The following ABL1 variants were observed in gnomAD, a reference collection of about 807,000 sequenced individuals.
The protein encoded by ABL1 is tyrosine-protein kinase ABL1.
Under a neutral mutation model 94.7 loss-of-function variants are expected in ABL1, and 11 were observed. That is an observed-to-expected ratio of 0.12 (90% CI 0.07 to 0.19). The LOEUF is 0.19. Among genes scored for constraint, ABL1 ranks in the 10% least tolerant of loss-of-function variants. The pLI is 1.00. For synonymous variants in ABL1, 656 were observed against 622.4 expected (o/e 1.05, Z -0.80); for missense variants, 1,082 against 1,489.4 (o/e 0.73, Z 4.50).
At chr9:130,744,868 A>C (rs1003890284) in intron 1 of ABL1, among the ~76,000 whole-genome samples, 2 of 151,380 alleles carry the variant, frequency 1.3e-5, no homozygotes, top group Non-Finnish European at 2.9e-5. Context: ...AAAAAAAAAA[A>C]AAAAACAAAA....
At chr9:130,719,806 A>G (rs888853995) in intron 1 of ABL1, among the ~76,000 whole-genome samples, 1 of 152,206 alleles carries the variant, frequency 6.6e-6, no homozygotes, top group African/African-American at 2.4e-5. Flanking sequence ...GTGTTGGAGC[A>G]GACATGGATC....
intron 1 of ABL1, among the ~76,000 whole-genome samples, chr9:130,843,683 AG>A (rs1186279784): frequency 1.3e-5 from 2 of 152,022 alleles, no homozygotes; most frequent in Non-Finnish European, 2.9e-5. Context: ...GACCGGTTAG[AG>A]AAGGTTTATG....
rs527857370 is a variant in ABL1, at chr9:130,725,767, G to A, written c.136+11312G>A. ...GGCTGAATAATATCCCATTGTGTGT[G>A]TATATATATATACACACCAAATTTT... On this transcript the variant is annotated intron_variant, in intron 1 of 10. Coordinates refer to the ABL1 transcript ENST00000372348. Among the ~76,000 whole-genome samples, 3 of 142,006 alleles carry A rather than the reference G, an allele frequency of 2.1e-5. No homozygotes were observed. In the East Asian group the frequency reaches 6.2e-4, roughly 29 times the overall value. The allele number at this position is 142,006 out of a possible 152,430, so 93.2% of individuals were successfully genotyped here. A position where few individuals can be genotyped will look rare whatever the true frequency, so the allele number is the denominator to read the frequency against.
chr9:130,771,687 C>G (rs776988381), intron 1 of ABL1, among the ~76,000 whole-genome samples: 1 of 151,554 alleles, frequency 6.6e-6, no homozygotes, highest in African/African-American at 2.4e-5. Context: ...GCAGCAGTAC[C>G]CAGCCTAAGA....
chr9:130,852,272 C>T (rs187570026), intron 1 of ABL1, among the ~76,000 whole-genome samples: 1,557 of 152,222 alleles, frequency 0.01, 27 homozygotes, highest in African/African-American at 0.035. Flanking sequence ...TCACTGCAAC[C>T]TCCGCCTCCC....
chr9:130,885,165 G>T lies in ABL1; in HGVS notation c.2875G>T (p.Val959Leu), dbSNP rs149941789. Residue 959 changes from valine (V) to leucine (L), a missense_variant, in exon 11 of 11, where the codon GTG becomes TTG. By Grantham distance (32) the Val-to-Leu change is conservative. Around this residue, in one of 7 missense-constraint regions of ABL1, gnomAD observed 780 missense variants for 835.8 expected, o/e 0.93. Coordinates refer to ENST00000318560, the MANE Select transcript of ABL1 (RefSeq NM_005157.6). Reference sequence around the variant, plus strand: ...GCCGGGAGAGGGCCTCAAAAAGCCCGTGCTCCCGGCCACTCCAAAGCCACA... The same window carrying T: ...GCCGGGAGAGGGCCTCAAAAAGCCCTTGCTCCCGGCCACTCCAAAGCCACA... Reference protein sequence around the residue: ...SQPGEGLKKPVLPATPKPQSA... With the variant: ...SQPGEGLKKPLLPATPKPQSA... 2 of 1,613,276 alleles carry T rather than the reference G, an allele frequency of 1.2e-6. No individual in the cohort carries two copies. Among genetic ancestry groups the T allele is most frequent in the Non-Finnish European group, 1.7e-6 (2 of 1,179,972 alleles).
intron 1 of ABL1, among the ~76,000 whole-genome samples, chr9:130,758,540 C>G (rs1832070886): frequency 6.6e-6 from 1 of 151,696 alleles, no homozygotes; most frequent in Admixed American, 6.6e-5. Flanking sequence ...TCAAGCAATT[C>G]TCCTGCCTCA....
chr9:130,882,836 C>A (rs986065623), intron 10 of ABL1, among the ~76,000 whole-genome samples: 4 of 152,120 alleles, frequency 2.6e-5, no homozygotes, highest in Non-Finnish European at 5.9e-5. Context: ...GCCTGGCTAC[C>A]AGAAAGATTT....
intron 1 of ABL1, among the ~76,000 whole-genome samples, chr9:130,722,705 A>C (rs1166284409): frequency 6.6e-6 from 1 of 152,148 alleles, no homozygotes; most frequent in Admixed American, 6.6e-5. Context: ...AGTCTAATAC[A>C]TTTTGTATGG....
intron 1 of ABL1, among the ~76,000 whole-genome samples, chr9:130,819,197 C>A (rs1330802566): frequency 6.6e-6 from 1 of 151,988 alleles, no homozygotes; most frequent in Non-Finnish European, 1.5e-5. Context: ...ATTAAAAATA[C>A]AAAAATTAGC....
chr9:130,820,937 AT>A (rs982315322), intron 1 of ABL1, among the ~76,000 whole-genome samples: 3 of 149,166 alleles, frequency 2.0e-5, no homozygotes, highest in Admixed American at 6.7e-5. Context: ...TTTATTTTTT[AT>A]TTTTTTTTCG....
chr9:130,835,388 C>G lies in ABL1; in HGVS notation c.-59C>G. 2 of 1,294,082 alleles carry G rather than the reference C, an allele frequency of 1.5e-6. No homozygotes were observed. The highest frequency in any genetic ancestry group is 2.1e-6 in the Non-Finnish European group (2 of 964,256). 80.2% of individuals were successfully genotyped at this position (1,294,082 alleles called of 1,614,324 possible). ...CGCGCGGGCCGAGCCGGGCCTGAGCCGGGCCCGCGGACCGAGCTGGGAGAG... is the reference window on the plus strand; with the variant it reads ...CGCGCGGGCCGAGCCGGGCCTGAGCGGGGCCCGCGGACCGAGCTGGGAGAG... On this transcript the variant is annotated 5_prime_UTR_variant, in exon 1 of 11. Transcript: ENST00000318560. The surrounding 1 kb of genome is among the most constrained non-coding windows in gnomAD (Gnocchi z 4.6).
Position 130,880,410 on chromosome 9 carries a change from T to TA in ABL1, c.1514-89dup, listed in dbSNP as rs1564321903. 1.5e-5 allele frequency: 22 copies of TA among 1,480,508 alleles called. No individual in the cohort carries two copies. In the South Asian group the frequency reaches 2.7e-4, roughly 18 times the overall value. The allele number at this position is 1,480,508 out of a possible 1,614,324, so 91.7% of individuals were successfully genotyped here. On this transcript the variant is annotated intron_variant, in intron 9 of 10. Transcript: ENST00000318560. The surrounding 1 kb of genome is among the most constrained non-coding windows in gnomAD (Gnocchi z 4.4). ...TTAGTTGTATGCAGATGAGCACTGT[T>TA]ACCTTACAAAGAAAGAGAACCACCA...
intron 1 of ABL1, among the ~76,000 whole-genome samples, chr9:130,810,474 C>T (rs916793622): frequency 2.0e-5 from 3 of 151,628 alleles, no homozygotes; most frequent in African/African-American, 7.3e-5. Flanking sequence ...CCAACCTGGG[C>T]GAGAGAGCAA....
intron 1 of ABL1, among the ~76,000 whole-genome samples, chr9:130,807,668 TTATATATATA>T (rs35665086): frequency 2.6e-4 from 30 of 113,286 alleles, no homozygotes; most frequent in African/African-American, 8.3e-4. Context: ...TTCCTTAATT[TTATATATATA>T]TATATATATA....
At chr9:130,766,783 C>T (rs1339409266) in intron 1 of ABL1, among the ~76,000 whole-genome samples, 2 of 152,196 alleles carry the variant, frequency 1.3e-5, no homozygotes, top group African/African-American at 2.4e-5. Context: ...TGCCTTGCCC[C>T]GGCTCTGATC....
At chr9:130,750,065 C>T (rs557169267) in intron 1 of ABL1, among the ~76,000 whole-genome samples, 55 of 151,176 alleles carry the variant, frequency 3.6e-4, no homozygotes, top group African/African-American at 1.3e-3. Flanking sequence ...CCTGTGTTCC[C>T]AGCTACTTGG....
intron 1 of ABL1, among the ~76,000 whole-genome samples, chr9:130,731,498 G>A (rs1831666446): frequency 6.6e-6 from 1 of 151,962 alleles, no homozygotes. Flanking sequence ...TCTGTGTAGG[G>A]GCGAAGGTTC....
rs1831278616 is a variant in ABL1 at position 130,872,972 on chromosome 9, G to A, written c.1020G>A (p.Leu340=). ...GGCAGGAGGTGAACGCCGTGGTGCT[G>A]CTGTACATGGCCACTCAGATCTCGT... ...CNRQEVNAVV[L]LYMATQISSA... Residue 340 remains leucine, a synonymous_variant, in exon 6 of 11, where the codon CTG becomes CTA. Coordinates refer to ENST00000318560, the MANE Select transcript of ABL1 (RefSeq NM_005157.6). The surrounding 1 kb of genome is among the most constrained non-coding windows in gnomAD (Gnocchi z 5.0). 3.7e-6 allele frequency: 6 copies of A among 1,614,226 alleles called. No individual in the cohort carries two copies. Among genetic ancestry groups the A allele is most frequent in the Non-Finnish European group, 5.1e-6 (6 of 1,180,042 alleles).
Sources: allele counts gnomAD v4.1 joint callset (sites outside exome capture counted in the v4.1 genomes callset), GRCh38; gene constraint gnomAD v4.1.1; regional missense constraint gnomAD v4.1.1; non-coding constraint Gnocchi (gnomAD v3.1); transcripts MANE v1.5; gene names NCBI Gene and HGNC (gene_info 2026-07-23, HGNC 2026-07-21).